Variants in EDDM13 observed in about 807,000 individuals in gnomAD.
The protein encoded by EDDM13 is epididymal protein 13.
EDDM13 carries 24 observed loss-of-function variants against 17.8 expected under a neutral mutation model. That is an observed-to-expected ratio of 1.35 (90% CI 0.98 to 1.90). EDDM13 has a LOEUF of 1.90. Among genes scored for constraint, EDDM13 ranks in the 40% most tolerant of loss-of-function variants. EDDM13 has a pLI of 0.00. For synonymous variants in EDDM13, 31 were observed against 37.5 expected (o/e 0.83, Z 0.63); for missense variants, 97 against 100.8 (o/e 0.96, Z 0.16).
chr19:56,289,613 T>C (rs560895689), intron 8 of EDDM13, among the ~76,000 whole-genome samples: 45 of 152,188 alleles, frequency 3.0e-4, no homozygotes, highest in African/African-American at 1.1e-3. Flanking sequence ...GGTCTGTTTG[T>C]TTGTTTTTGG....
intron 12 of EDDM13, among the ~76,000 whole-genome samples, chr19:56,301,198 A>C (rs925681376): frequency 6.6e-6 from 1 of 152,256 alleles, no homozygotes; most frequent in Non-Finnish European, 1.5e-5. Context: ...GCTACTCCAT[A>C]GGCAGAGCAG....
chr19:56,303,660 G>A lies in EDDM13; in HGVS notation c.424-1133G>A, dbSNP rs372688034. On this transcript the variant is annotated intron_variant, in intron 13 of 14. Transcript: ENST00000649256. ...GATGCTGGGGACTCAGAGAAGAACG[G>A]AACCCATAAGGTCCTTGAGTCCCCA... Among the ~76,000 whole-genome samples, 3 of 152,158 alleles carry A rather than the reference G, an allele frequency of 2.0e-5. No individual in the cohort carries two copies. The East Asian group carries it at 5.8e-4, about 29-fold the overall frequency.
intron 2 of EDDM13, 53 bp from the exon 3 acceptor site, chr19:56,281,640 C>A (rs2038715509): frequency 4.2e-6 from 4 of 962,654 alleles, no homozygotes; most frequent in Non-Finnish European, 4.9e-6. Flanking sequence ...CCACTCTCTT[C>A]CTTGAATTTT....
chr19:56,307,618 C>A (rs182189798), intron 14 of EDDM13, among the ~76,000 whole-genome samples: 1 of 152,024 alleles, frequency 6.6e-6, no homozygotes, highest in African/African-American at 2.4e-5. Flanking sequence ...ATTGTTCATA[C>A]GGAGAAAAAT....
intron 1 of EDDM13, chr19:56,274,577 C>T (rs1242963222): frequency 6.6e-6 from 1 of 152,094 alleles, no homozygotes; most frequent in Non-Finnish European, 1.5e-5. Context: ...ATTCTTCACC[C>T]AGTTATCTCA....
chr19:56,302,434 TCC>T (rs1317039368), intron 13 of EDDM13, among the ~76,000 whole-genome samples: 4,025 of 112,990 alleles, frequency 0.036, 192 homozygotes, highest in African/African-American at 0.12. Context: ...CTTTCTCCCT[TCC>T]TTCCTTTCTT....
intron 1 of EDDM13, among the ~76,000 whole-genome samples, 189 bp from the exon 2 acceptor site, chr19:56,275,903 C>G (rs966291458): frequency 5.9e-5 from 9 of 152,148 alleles, no homozygotes; most frequent in Non-Finnish European, 1.3e-4. Context: ...ATGGACTTAT[C>G]GATGGATGGA....
intron 9 of EDDM13, among the ~76,000 whole-genome samples, chr19:56,291,671 G>C (rs1053477411): frequency 3.3e-5 from 5 of 151,882 alleles, no homozygotes; most frequent in Admixed American, 3.3e-4. Context: ...CTTCTGTTTT[G>C]CTCCTGTTCT....
At chr19:56,302,615 C>G (rs1209782107) in intron 13 of EDDM13, among the ~76,000 whole-genome samples, 1 of 127,106 alleles carries the variant, frequency 7.9e-6, no homozygotes, top group Non-Finnish European at 1.6e-5. Context: ...TCCTCTCCCT[C>G]TTCCTCCCTC....
chr19:56,304,792 G>C lies in EDDM13; in HGVS notation c.424-1G>C. On this transcript the variant is annotated splice_acceptor_variant, in intron 13 of 14. Coordinates refer to ENST00000649256, the MANE Select transcript of EDDM13 (RefSeq NM_001354658.2). LOFTEE classifies it high-confidence loss of function. ...TTCCCAGTTCACTTTTTCCTCCCAA[G>C]TGTTACTGCCACTACTGTAACTTGG... 1.0e-6 allele frequency: 1 copy of C among 985,404 alleles called. No homozygotes were observed. The highest frequency in any genetic ancestry group is 1.2e-6 in the Non-Finnish European group (1 of 829,924). 61.0% of individuals were successfully genotyped at this position (985,404 alleles called of 1,614,324 possible).
At chr19:56,278,720 C>G (rs1206041201) in intron 2 of EDDM13, among the ~76,000 whole-genome samples, 1 of 152,176 alleles carries the variant, frequency 6.6e-6, no homozygotes, top group Non-Finnish European at 1.5e-5. Context: ...ACCAAGGAAG[C>G]TGATGGATGG....
At chr19:56,276,230 C>T (rs1217386543) in intron 2 of EDDM13, among the ~76,000 whole-genome samples, 121 bp downstream of exon 2, 1 of 152,192 alleles carries the variant, frequency 6.6e-6, no homozygotes, top group Non-Finnish European at 1.5e-5. Flanking sequence ...GGTGCACAGA[C>T]CTGCCATGGG....
chr19:56,290,476 T>C (rs1187676975), intron 8 of EDDM13, among the ~76,000 whole-genome samples: 1 of 152,176 alleles, frequency 6.6e-6, no homozygotes, highest in African/African-American at 2.4e-5. Flanking sequence ...GGGTCTTTGT[T>C]TAAAATTAGG....
In EDDM13 at chr19:56,304,850, T is replaced by C. The variant is rs1339990140; in HGVS notation, c.461+20T>C. 2 of 974,144 alleles carry C rather than the reference T, an allele frequency of 2.1e-6. No individual in the cohort carries two copies. The highest frequency in any genetic ancestry group is 2.4e-6 in the Non-Finnish European group (2 of 819,892). The allele number at this position is 974,144 out of a possible 1,614,324, so 60.3% of individuals were successfully genotyped here. A position where few individuals can be genotyped will look rare whatever the true frequency, so the allele number is the denominator to read the frequency against. ...CATCAGGTATGCTATGGCAGGGAAGTGGGCTTTTCCCACCGCTGGGGTGGG... is the reference window on the plus strand; with the variant it reads ...CATCAGGTATGCTATGGCAGGGAAGCGGGCTTTTCCCACCGCTGGGGTGGG... On this transcript the variant is annotated intron_variant, in intron 14 of 14. Coordinates refer to ENST00000649256, the MANE Select transcript of EDDM13 (RefSeq NM_001354658.2).
At chr19:56,279,782 T>C (rs527560402) in intron 2 of EDDM13, among the ~76,000 whole-genome samples, 2 of 152,088 alleles carry the variant, frequency 1.3e-5, no homozygotes, top group South Asian at 4.2e-4. Context: ...CCTAAACAAA[T>C]GCAAACATCT....
intron 6 of EDDM13, among the ~76,000 whole-genome samples, chr19:56,287,227 C>T (rs2039193217): frequency 6.6e-6 from 1 of 152,230 alleles, no homozygotes; most frequent in Admixed American, 6.5e-5. Context: ...CCTTGCCCAT[C>T]GACCTGGAAG....
intron 1 of EDDM13, among the ~76,000 whole-genome samples, chr19:56,273,996 T>C (rs971808756): frequency 6.6e-6 from 1 of 151,950 alleles, no homozygotes; most frequent in Admixed American, 6.6e-5. Context: ...AGGGTGAAGA[T>C]GGGGATAAGT....
At chr19:56,275,139 T>G (rs1320651795) in intron 1 of EDDM13, among the ~76,000 whole-genome samples, 1 of 152,218 alleles carries the variant, frequency 6.6e-6, no homozygotes, top group Non-Finnish European at 1.5e-5. Flanking sequence ...TCTGCCAGGT[T>G]TCTCCACTGT....
rs150125232 is a variant in EDDM13, at chr19:56,306,179, G to A, written c.461+1349G>A. Among the ~76,000 whole-genome samples, 15 of 152,352 alleles carry A rather than the reference G, an allele frequency of 9.8e-5. No individual in the cohort carries two copies. The East Asian group carries it at 2.5e-3, about 25-fold the overall frequency. Reference sequence around the variant, plus strand: ...AGTTAAGAGGCTACTCAGTTTCCACGAGATGACGGTAGCCTGGTCAAGGCT... The same window carrying A: ...AGTTAAGAGGCTACTCAGTTTCCACAAGATGACGGTAGCCTGGTCAAGGCT... On this transcript the variant is annotated intron_variant, in intron 14 of 14. Coordinates refer to ENST00000649256, the MANE Select transcript of EDDM13 (RefSeq NM_001354658.2).
Sources: gnomAD v4.1 joint callset for allele counts (sites outside exome capture counted in the v4.1 genomes callset) on GRCh38, gnomAD v4.1.1 for gene constraint, MANE v1.5 for transcripts, NCBI Gene and HGNC (gene_info 2026-07-23, HGNC 2026-07-21) for gene names.